TMPRSS11F: variants seen among roughly 807,000 people sequenced by gnomAD.
The protein encoded by TMPRSS11F is transmembrane serine protease 11F.
In TMPRSS11F, 47 loss-of-function variants were observed where a neutral mutation model predicts 60.2. The observed-to-expected ratio is 0.78, with a 90% confidence interval of 0.62 to 1.00. The LOEUF (loss-of-function observed/expected upper bound fraction) is 1.00. TMPRSS11F is among the 50% of genes least tolerant of loss of function. The probability of loss-of-function intolerance (pLI) is 0.00; values close to 1 mark genes in which losing one functional copy is unlikely to be tolerated. For synonymous variants in TMPRSS11F, 166 were observed against 167.3 expected (o/e 0.99, Z 0.06); for missense variants, 519 against 522.9 (o/e 0.99, Z 0.07).
chr4:68,076,904 A>G (rs572646620), intron 3 of TMPRSS11F, among the ~76,000 whole-genome samples: 1 of 152,296 alleles, frequency 6.6e-6, no homozygotes, highest in South Asian at 2.1e-4. Context: ...ACACCCTTCA[A>G]AACAACAGTA....
At chr4:68,092,716 T>C (rs1349242286) in intron 2 of TMPRSS11F, among the ~76,000 whole-genome samples, 3 of 103,582 alleles carry the variant, frequency 2.9e-5, no homozygotes, top group Non-Finnish European at 7.5e-5. Flanking sequence ...ATTAAAGTTT[T>C]ATTACAAAAA....
At chr4:68,106,826 T>G (rs1208051642) in intron 1 of TMPRSS11F, among the ~76,000 whole-genome samples, 3 of 152,220 alleles carry the variant, frequency 2.0e-5, no homozygotes, top group Non-Finnish European at 2.9e-5. Context: ...TATAAGACAT[T>G]TAAAGAAACT....
At chr4:68,125,745 A>T (rs1285527093) in intron 1 of TMPRSS11F, among the ~76,000 whole-genome samples, 1 of 152,170 alleles carries the variant, frequency 6.6e-6, no homozygotes, top group African/African-American at 2.4e-5. Flanking sequence ...AAAGCAACAC[A>T]GACTTATCTT....
At chr4:68,114,992 A>T (rs1441084501) in intron 1 of TMPRSS11F, among the ~76,000 whole-genome samples, 15 of 1,560 alleles carry the variant, frequency 9.6e-3, no homozygotes, top group Non-Finnish European at 0.026. Context: ...TCATTATTTA[A>T]AAAAAAAAAA....
intron 3 of TMPRSS11F, among the ~76,000 whole-genome samples, chr4:68,088,104 G>A (rs1239211287): frequency 1.3e-5 from 2 of 151,864 alleles, no homozygotes; most frequent in African/African-American, 4.8e-5. Flanking sequence ...TGGCAGATTG[G>A]ATAAAGAGTC....
intron 2 of TMPRSS11F, among the ~76,000 whole-genome samples, chr4:68,096,120 T>A (rs55893860): frequency 0.23 from 32,760 of 145,326 alleles, 3,957 homozygotes; most frequent in Admixed American, 0.38. Context: ...GTCAATAATT[T>A]AAAAAAAAAA....
intron 1 of TMPRSS11F, among the ~76,000 whole-genome samples, chr4:68,113,443 G>A (rs946196392): frequency 6.7e-6 from 1 of 148,250 alleles, no homozygotes; most frequent in Non-Finnish European, 1.5e-5. Flanking sequence ...TATCCGTGAA[G>A]TGCAGTAAAG....
intron 1 of TMPRSS11F, 46 bp from the exon 2 acceptor site, chr4:68,099,084 T>C (rs1378765647): frequency 6.6e-7 from 1 of 1,519,288 alleles, no homozygotes; most frequent in African/African-American, 1.4e-5. Flanking sequence ...TTCATTATAG[T>C]TCAACTTTAT....
chr4:68,095,669 G>A (rs1046981815), intron 2 of TMPRSS11F, among the ~76,000 whole-genome samples: 8 of 151,878 alleles, frequency 5.3e-5, no homozygotes, highest in East Asian at 1.9e-4. Context: ...AGGCCAAGTC[G>A]GGCAGATCAC....
chr4:68,062,959 A>T (rs763044966), intron 8 of TMPRSS11F: 1 of 743,062 alleles, frequency 1.3e-6, no homozygotes, highest in Non-Finnish European at 2.5e-6. Context: ...GAATTTCTGG[A>T]ACTGACCCGT....
At chr4:68,074,180 A>G (rs1723538508) in intron 3 of TMPRSS11F, among the ~76,000 whole-genome samples, 171 bp from the exon 4 acceptor site, 1 of 152,246 alleles carries the variant, frequency 6.6e-6, no homozygotes, top group South Asian at 2.1e-4. Context: ...AGTCATGTTA[A>G]TGGGTACACT....
chr4:68,100,009 G>T (rs1385563229), intron 1 of TMPRSS11F, among the ~76,000 whole-genome samples: 2 of 148,356 alleles, frequency 1.3e-5, no homozygotes, highest in East Asian at 4.0e-4. Context: ...AAAGTGACAT[G>T]ATTACAACTT....
intron 8 of TMPRSS11F, among the ~76,000 whole-genome samples, chr4:68,060,659 C>T (rs535814762): frequency 6.8e-6 from 1 of 146,950 alleles, no homozygotes; most frequent in South Asian, 2.2e-4. Context: ...GGAGAAAGCT[C>T]ATTGATGTAA....
chr4:68,117,467 CAAAAAAAAAA>C (rs55708045), intron 1 of TMPRSS11F, among the ~76,000 whole-genome samples: 1 of 51,394 alleles, frequency 1.9e-5, no homozygotes, highest in African/African-American at 1.1e-4. Flanking sequence ...GACTCTGTCT[CAAAAAAAAAA>C]AAAAAAAAAA....
chr4:68,104,534 G>A (rs1724259564), intron 1 of TMPRSS11F, among the ~76,000 whole-genome samples: 1 of 152,088 alleles, frequency 6.6e-6, no homozygotes. Flanking sequence ...ATTGCCATGC[G>A]AAGGACATGC....
intron 2 of TMPRSS11F, among the ~76,000 whole-genome samples, chr4:68,094,857 AT>A (rs11354072): frequency 0.38 from 57,114 of 151,362 alleles, 12,763 homozygotes; most frequent in Non-Finnish European, 0.52. Context: ...TCTATAAAGC[AT>A]TTTTTTTACC....
At chr4:68,118,839 A>T (rs1015858358) in intron 1 of TMPRSS11F, among the ~76,000 whole-genome samples, 7 of 152,242 alleles carry the variant, frequency 4.6e-5, no homozygotes, top group African/African-American at 1.7e-4. Context: ...GAGAACATTT[A>T]AATGAAGACC....
chr4:68,064,722 A>C lies in TMPRSS11F; in HGVS notation c.978T>G (p.Ser326Arg). The change falls in exon 8 of 10, where the codon AGT becomes AGG. Residue 326 changes from serine (S) to arginine (R), a missense_variant. Ser to Arg is a moderately radical substitution (Grantham distance 110). Transcript: ENST00000356291. Reference protein sequence around the residue: ...DSSIKLPPKTSVFVTGFGSIV... With the variant: ...DSSIKLPPKTRVFVTGFGSIV... ...TGGATCCAAATCCTGTGACGAACAC[A>C]CTTGTTTTAGGTGGCAACTTTATAG... 3 of 1,614,158 alleles carry C rather than the reference A, an allele frequency of 1.9e-6. No individual in the cohort carries two copies. The highest frequency in any genetic ancestry group is 2.5e-6 in the Non-Finnish European group (3 of 1,180,040).
At chr4:68,106,033 C>A (rs1392219316) in intron 1 of TMPRSS11F, among the ~76,000 whole-genome samples, 1 of 151,966 alleles carries the variant, frequency 6.6e-6, no homozygotes, top group Non-Finnish European at 1.5e-5. Flanking sequence ...TATGTGGACA[C>A]CAAATAAAAT....
Sources: allele counts gnomAD v4.1 joint callset (sites outside exome capture counted in the v4.1 genomes callset), GRCh38; gene constraint gnomAD v4.1.1; transcripts MANE v1.5; gene names NCBI Gene and HGNC (gene_info 2026-07-23, HGNC 2026-07-21).